Variants in NBPF9 observed in about 807,000 individuals in gnomAD.
NBPF9 encodes the protein NBPF member 9.
NBPF9 carries 91 observed loss-of-function variants against 97.8 expected under a neutral mutation model. The observed-to-expected ratio is 0.93, with a 90% CI of 0.79 to 1.11. NBPF9 has a LOEUF of 1.11. Among genes scored for constraint, NBPF9 ranks in the 50% least tolerant of loss-of-function variants. The pLI is 0.00. For missense variants in NBPF9, 992 were observed against 939.5 expected (o/e 1.06, Z -0.73); for synonymous variants, 334 against 359.5 (o/e 0.93, Z 0.80).
intron 4 of NBPF9, among the ~76,000 whole-genome samples, chr1:149,093,295 G>A (rs1352966898): frequency 2.6e-5 from 4 of 151,762 alleles, no homozygotes; most frequent in African/African-American, 9.7e-5. Context: ...CTCAGTAGAT[G>A]GAATATACAA....
At chr1:149,098,731 T>G in intron 3 of NBPF9, 25 bp from the exon 4 acceptor site, 1 of 277,702 alleles carries the variant, frequency 3.6e-6, no homozygotes. Context: ...AGAGAAATCA[T>G]GGTTAATATT....
chr1:149,078,921 A>T, intron 9 of NBPF9, 86 bp downstream of exon 9: 2 of 1,572,982 alleles, frequency 1.3e-6, no homozygotes, highest in Non-Finnish European at 1.7e-6. Flanking sequence ...AACCCCACTG[A>T]TACAACTGTC....
chr1:149,073,615 T>A (rs1488766444), intron 13 of NBPF9, among the ~76,000 whole-genome samples, 153 bp downstream of exon 13: 2 of 150,278 alleles, frequency 1.3e-5, no homozygotes, highest in Non-Finnish European at 3.0e-5. Context: ...ATCCTTCTTC[T>A]CTGTTTGATA....
chr1:149,061,332 C>A (rs2078583181), exon 23 of NBPF9: 1 of 411,710 alleles, frequency 2.4e-6, no homozygotes, highest in Non-Finnish European at 4.4e-6. Context: ...GCTCAGTTAC[C>A]TGGGGCATGG....
At chr1:149,103,010 G>A (rs1553245043) in intron 1 of NBPF9, among the ~76,000 whole-genome samples, 163 bp from the exon 2 acceptor site, 7,156 of 151,682 alleles carry the variant, frequency 0.047, 644 homozygotes, top group East Asian at 0.46. Context: ...ACACGAGGAC[G>A]TGCCCCCGAA....
intron 5 of NBPF9, among the ~76,000 whole-genome samples, chr1:149,084,850 C>A (rs1174262699): frequency 6.7e-6 from 1 of 149,714 alleles, no homozygotes; most frequent in African/African-American, 2.4e-5. Flanking sequence ...GGGAATTGAC[C>A]ACGGATCTTT....
At chr1:149,074,510 G>A (rs2079684845) in intron 12 of NBPF9, among the ~76,000 whole-genome samples, 1 of 151,464 alleles carries the variant, frequency 6.6e-6, no homozygotes, top group Non-Finnish European at 1.5e-5. Context: ...GCCAATAAAT[G>A]TTCTAGGAGA....
chr1:149,082,981 T>TTTTTTTTTTTTTTTA (rs1324409574), intron 5 of NBPF9, among the ~76,000 whole-genome samples: 1 of 134,580 alleles, frequency 7.4e-6, no homozygotes, highest in East Asian at 2.1e-4. Flanking sequence ...TTTTTTTTTT[T>TTTTTTTTTTTTTTTA]TGTATTTTTA....
At chr1:149,064,593 A>G (rs1178204935) in intron 18 of NBPF9, 111 bp from the exon 19 acceptor site, 1 of 687,104 alleles carries the variant, frequency 1.5e-6, no homozygotes, top group African/African-American at 1.8e-5. Context: ...CAGTGTGAGA[A>G]CAGGAGACTT....
Position 149,079,334 on chromosome 1 carries a change from G to T in NBPF9, c.279-113C>A, listed in dbSNP as rs1373686425. 3.8e-3 allele frequency: 4,323 copies of T among 1,142,630 alleles called. 12 individuals are homozygous for T. The highest frequency in any genetic ancestry group is 5.1e-3 in the Non-Finnish European group (3,848 of 758,424). The allele number at this position is 1,142,630 out of a possible 1,614,324, so 70.8% of individuals were successfully genotyped here. ...CCTCAAGGAGACCTTGAAACAGAAG[G>T]TCAGCACATGTTGAAAGGAATGTCT... On this transcript the variant is annotated intron_variant, in intron 8 of 29. Coordinates refer to ENST00000584027, the Ensembl canonical transcript of NBPF9.
chr1:149,059,722 T>C (rs77814877), exon 25 of NBPF9: 62,465 of 575,088 alleles, frequency 0.11, 20,780 homozygotes, highest in East Asian at 0.51. Flanking sequence ...GGGTTTTGAT[T>C]TTCTTCCCCT....
At chr1:149,082,679 C>T (rs1272386341) in intron 5 of NBPF9, among the ~76,000 whole-genome samples, 2 of 144,074 alleles carry the variant, frequency 1.4e-5, no homozygotes, top group African/African-American at 5.2e-5. Context: ...TGTACAACAT[C>T]ATCAAGGCAG....
At chr1:149,087,248 A>ATGTG (rs587652499) in intron 5 of NBPF9, among the ~76,000 whole-genome samples, 1 of 147,078 alleles carries the variant, frequency 6.8e-6, no homozygotes, top group African/African-American at 2.5e-5. Flanking sequence ...ATATATATAT[A>ATGTG]TGTGTGTGTG....
chr1:149,074,238 G>GT (rs1247234385), intron 12 of NBPF9, among the ~76,000 whole-genome samples: 1 of 151,286 alleles, frequency 6.6e-6, no homozygotes, highest in Non-Finnish European at 1.5e-5. Flanking sequence ...GTGATTTCTT[G>GT]TACAGTCGGG....
At chr1:149,064,825 C>A (rs1553651273) in intron 18 of NBPF9, 2 of 553,000 alleles carry the variant, frequency 3.6e-6, no homozygotes, top group African/African-American at 1.9e-5. Context: ...AGCTTTCTCT[C>A]ATCAAATACC....
At chr1:149,080,991 C>T (rs1429665392) in intron 7 of NBPF9, among the ~76,000 whole-genome samples, 2 of 151,680 alleles carry the variant, frequency 1.3e-5, no homozygotes, top group African/African-American at 4.8e-5. Context: ...TTGCACACTG[C>T]ACTGCTGCTT....
Position 149,071,725 on chromosome 1 carries a change from C to T in NBPF9, c.1307-49G>A, listed in dbSNP as rs1553652972. The T allele has an allele frequency of 7.0e-6, 7 of 1,005,742 alleles. No individual in the cohort carries two copies. In the South Asian group the frequency reaches 8.3e-5, roughly 12 times the overall value. The allele number at this position is 1,005,742 out of a possible 1,614,324, so 62.3% of individuals were successfully genotyped here. A position where few individuals can be genotyped will look rare whatever the true frequency, so the allele number is the denominator to read the frequency against. On this transcript the variant is annotated intron_variant, in intron 14 of 29. Transcript: ENST00000584027. ...CAGATATTTCCCACTTCACAGTCTG[C>T]AAGCACAGTCAGCCCAATGTGCAAC...
chr1:149,072,600 C>G (rs587741447), intron 14 of NBPF9, 118 bp downstream of exon 14: 78 of 1,439,882 alleles, frequency 5.4e-5, no homozygotes, highest in Non-Finnish European at 7.2e-5. Context: ...CATGTCATGG[C>G]CACATAAGCT....
At chr1:149,076,599 T>A (rs1287564363) in intron 11 of NBPF9, among the ~76,000 whole-genome samples, 1 of 149,080 alleles carries the variant, frequency 6.7e-6, no homozygotes, top group East Asian at 1.9e-4. Flanking sequence ...GGTTCCTGGG[T>A]TCATGCCATT....
Sources: gnomAD v4.1 joint callset for allele counts (sites outside exome capture counted in the v4.1 genomes callset) on GRCh38, gnomAD v4.1.1 for gene constraint, MANE v1.5 for transcripts, NCBI Gene and HGNC (gene_info 2026-07-23, HGNC 2026-07-21) for gene names.